Variants in SGCD observed in about 807,000 individuals in gnomAD.
SGCD encodes the protein delta-sarcoglycan.
In SGCD, 18 loss-of-function variants were observed where a neutral mutation model predicts 36.6. The observed-to-expected ratio is 0.49, with a 90% confidence interval of 0.34 to 0.73. SGCD has a LOEUF of 0.73. Among genes scored for constraint, SGCD ranks in the 30% least tolerant of loss-of-function variants. The pLI is 0.01. For synonymous variants in SGCD, 133 were observed against 130.6 expected (o/e 1.02, Z -0.12); for missense variants, 387 against 346.7 (o/e 1.12, Z -0.92).
At chr5:156,540,019 C>T (rs568058195) in intron 4 of SGCD, among the ~76,000 whole-genome samples, 1 of 152,244 alleles carries the variant, frequency 6.6e-6, no homozygotes. Flanking sequence ...TTCTCTTTTA[C>T]ATATGCCACA....
intron 3 of SGCD, among the ~76,000 whole-genome samples, chr5:156,196,511 C>G (rs73300674): frequency 0.019 from 2,931 of 152,212 alleles, 69 homozygotes; most frequent in African/African-American, 0.058. Flanking sequence ...GATATTTGGT[C>G]TGCCTTTTAT....
At chr5:156,070,767 C>CT (rs1760524644) in intron 1 of SGCD, among the ~76,000 whole-genome samples, 1 of 152,044 alleles carries the variant, frequency 6.6e-6, no homozygotes, top group African/African-American at 2.4e-5. Flanking sequence ...GTCCTGCACT[C>CT]TTTTTGGTTG....
chr5:156,513,134 G>C (rs376692750), intron 4 of SGCD, among the ~76,000 whole-genome samples: 1 of 152,150 alleles, frequency 6.6e-6, no homozygotes, highest in Non-Finnish European at 1.5e-5. Context: ...AAGTATATTG[G>C]CATGAAAAGG....
At chr5:156,068,571 C>A (rs1052808724) in intron 1 of SGCD, among the ~76,000 whole-genome samples, 2 of 151,654 alleles carry the variant, frequency 1.3e-5, no homozygotes, top group Non-Finnish European at 2.9e-5. Flanking sequence ...TGAATAGTGC[C>A]GCAGTATACA....
In SGCD at chr5:155,937,661, A is replaced by C. The variant is rs557345540; in HGVS notation, c.-282+67237A>C. Among the ~76,000 whole-genome samples, 4 of 152,318 alleles carry C rather than the reference A, an allele frequency of 2.6e-5. 1 individual carries two copies. The East Asian group carries it at 7.7e-4, about 29-fold the overall frequency. Reference sequence around the variant, plus strand: ...ATATTCAGAGCACTGTGGTCAAGACAGTAGACAAGAAAAATGCAGTTTCTG... The same window carrying C: ...ATATTCAGAGCACTGTGGTCAAGACCGTAGACAAGAAAAATGCAGTTTCTG... On this transcript the variant is annotated intron_variant, in intron 1 of 9. Transcript: ENST00000517913.
chr5:155,958,949 TACCAGGG>T (rs1160411698), intron 1 of SGCD, among the ~76,000 whole-genome samples: 1 of 152,152 alleles, frequency 6.6e-6, no homozygotes, highest in African/African-American at 2.4e-5. Flanking sequence ...CATAATCCCA[TACCAGGG>T]ACCTTCAGTC....
In SGCD at chr5:155,886,830, C is replaced by T. The variant is rs554837095; in HGVS notation, c.-282+16406C>T. Among the ~76,000 whole-genome samples, 19 of 152,316 alleles carry T rather than the reference C, an allele frequency of 1.2e-4. No individual in the cohort carries two copies. In the South Asian group the frequency reaches 3.5e-3, roughly 28 times the overall value. On this transcript the variant is annotated intron_variant, in intron 1 of 9. Transcript: ENST00000517913. ...AGAATGCCCAGGGGCAAAAATCACT[C>T]AGCAGGAAGGCTCACTGAATCTGGA... is the stretch of plus-strand genomic sequence containing the variant.
At chr5:156,599,320 G>A (rs976386472) in intron 6 of SGCD, among the ~76,000 whole-genome samples, 6 of 152,068 alleles carry the variant, frequency 3.9e-5, no homozygotes, top group Non-Finnish European at 7.4e-5. Context: ...CTTAGGACCT[G>A]AGTGACCGTA....
chr5:156,147,770 G>A (rs1213314615), intron 3 of SGCD, among the ~76,000 whole-genome samples: 1 of 152,104 alleles, frequency 6.6e-6, no homozygotes, highest in Non-Finnish European at 1.5e-5. Flanking sequence ...TAAATAACTG[G>A]GAGAAATTCT....
At chr5:155,872,764 G>T (rs545073550) in intron 1 of SGCD, among the ~76,000 whole-genome samples, 173 of 152,258 alleles carry the variant, frequency 1.1e-3, no homozygotes, top group African/African-American at 3.8e-3. Context: ...TTAGTAGACT[G>T]CCATTAAAAT....
chr5:155,774,370 C>T, the SGCD span, among the ~76,000 whole-genome samples: 1 of 152,120 alleles, frequency 6.6e-6, no homozygotes, highest in Non-Finnish European at 1.5e-5. Context: ...ATACTAGGAG[C>T]CATTTTCCCT....
chr5:155,956,183 G>A (rs1561662333), intron 1 of SGCD, among the ~76,000 whole-genome samples: 3 of 149,374 alleles, frequency 2.0e-5, no homozygotes, highest in South Asian at 2.1e-4. Flanking sequence ...TGGGGTGGGC[G>A]TGCCTCTGGC....
intron 4 of SGCD, among the ~76,000 whole-genome samples, chr5:156,522,636 CT>C (rs1757461702): frequency 6.6e-6 from 1 of 151,812 alleles, no homozygotes. Flanking sequence ...GCATGCTGGG[CT>C]TTAAACCTAG....
chr5:156,364,260 T>C (rs1412268480), intron 3 of SGCD, among the ~76,000 whole-genome samples: 2 of 152,206 alleles, frequency 1.3e-5, no homozygotes, highest in Non-Finnish European at 2.9e-5. Flanking sequence ...ATCTGTAAAG[T>C]GTTCTTCCTT....
intron 3 of SGCD, among the ~76,000 whole-genome samples, chr5:156,284,109 CAAGACTA>C (rs1766528817): frequency 6.6e-6 from 1 of 152,040 alleles, no homozygotes; most frequent in African/African-American, 2.4e-5. Context: ...TACACCTTCC[CAAGACTA>C]AACCAGGAAG....
In SGCD at chr5:156,293,634, T is replaced by A. The variant is rs113519738; in HGVS notation, c.-43-35900T>A. Among the ~76,000 whole-genome samples, 188 of 152,294 alleles carry A rather than the reference T, an allele frequency of 1.2e-3. 1 individual carries two copies. Among genetic ancestry groups the A allele is most frequent in the African/African-American group, 4.4e-3 (183 of 41,580 alleles). ...GTCAAAAATCATTTTACCATATATGTCAAGGTTTTTTTATTCTATTTTATT... is the reference window on the plus strand; with the variant it reads ...GTCAAAAATCATTTTACCATATATGACAAGGTTTTTTTATTCTATTTTATT... On this transcript the variant is annotated intron_variant, in intron 3 of 9. Transcript: ENST00000517913.
chr5:155,756,981 G>A, the SGCD span, among the ~76,000 whole-genome samples: 27 of 152,320 alleles, frequency 1.8e-4, no homozygotes, highest in Non-Finnish European at 3.5e-4. Flanking sequence ...GTGTGTGTCT[G>A]TATCAGGTAT....
Position 156,673,157 on chromosome 5 carries a change from A to G in SGCD, c.575+25621A>G, listed in dbSNP as rs117505563. Among the ~76,000 whole-genome samples, 117 of 152,364 alleles carry G rather than the reference A, an allele frequency of 7.7e-4. No individual in the cohort carries two copies. The East Asian group carries it at 0.02, about 27-fold the overall frequency. ...GTGTGTGTTCAGCCAGCATAAAGAT[A>G]AGTAACTGTCTGCAACACATTGTTT... On this transcript the variant is annotated intron_variant, in intron 7 of 8. Transcript: ENST00000337851.
intron 1 of SGCD, among the ~76,000 whole-genome samples, chr5:156,089,778 C>T (rs551833864): frequency 3.9e-4 from 59 of 152,280 alleles, no homozygotes; most frequent in African/African-American, 1.3e-3. Flanking sequence ...GAATAGTCTT[C>T]TGGAGGTGTG....
Sources: allele counts gnomAD v4.1 joint callset (sites outside exome capture counted in the v4.1 genomes callset), GRCh38; gene constraint gnomAD v4.1.1; transcripts MANE v1.5; gene names NCBI Gene and HGNC (gene_info 2026-07-23, HGNC 2026-07-21).